Variants in BACH1 observed in about 807,000 individuals in gnomAD.
BACH1 encodes transcription regulator protein BACH1.
Under a neutral mutation model 52.9 loss-of-function variants are expected in BACH1, and 35 were observed. That is an observed-to-expected ratio of 0.66 (90% CI 0.51 to 0.88). BACH1 has a LOEUF of 0.88. BACH1 is among the 40% of genes least tolerant of loss of function. The pLI is 0.00. For missense variants in BACH1, 808 were observed against 872.6 expected (o/e 0.93, Z 0.93); for synonymous variants, 321 against 319.6 (o/e 1.00, Z -0.05).
At chr21:29,300,376 C>T (rs1263505206) in intron 1 of BACH1, among the ~76,000 whole-genome samples, 1 of 152,206 alleles carries the variant, frequency 6.6e-6, no homozygotes, top group Non-Finnish European at 1.5e-5. Context: ...ATACTCTCAT[C>T]ACATGCCTCC....
chr21:29,355,172 A>G (rs2089226226), intron 2 of BACH1, among the ~76,000 whole-genome samples: 1 of 152,180 alleles, frequency 6.6e-6, no homozygotes. Context: ...TCCATTTTGC[A>G]GAGTGCTGAT....
chr21:29,321,728 A>G (rs1351047628), intron 2 of BACH1, among the ~76,000 whole-genome samples: 1 of 151,270 alleles, frequency 6.6e-6, no homozygotes, highest in Non-Finnish European at 1.5e-5. Flanking sequence ...TGGATATAAC[A>G]TAACACCCAC....
downstream of BACH1, among the ~76,000 whole-genome samples, chr21:29,349,460 C>T (rs969329666): frequency 3.9e-5 from 6 of 152,206 alleles, no homozygotes; most frequent in East Asian, 9.6e-4. Flanking sequence ...GGGCCTTTCC[C>T]TGTGAAACTG....
At chr21:29,313,683 T>C (rs1203073515) in intron 1 of BACH1, among the ~76,000 whole-genome samples, 3 of 152,178 alleles carry the variant, frequency 2.0e-5, no homozygotes, top group Non-Finnish European at 4.4e-5. Context: ...AGAAGTAATG[T>C]TTCTGAGTAA....
chr21:29,349,446 C>T (rs567547565), downstream of BACH1, among the ~76,000 whole-genome samples: 2 of 152,298 alleles, frequency 1.3e-5, no homozygotes, highest in Admixed American at 6.5e-5. Context: ...CACCTGTGGG[C>T]GCTGGGCCTT....
At chr21:29,322,580 C>T (rs1569013456) in intron 2 of BACH1, among the ~76,000 whole-genome samples, 1 of 152,152 alleles carries the variant, frequency 6.6e-6, no homozygotes, top group Non-Finnish European at 1.5e-5. Flanking sequence ...AGTATCAAGG[C>T]TGTGGCATTG....
chr21:29,300,576 G>C (rs1269155722), intron 1 of BACH1, among the ~76,000 whole-genome samples: 1 of 152,186 alleles, frequency 6.6e-6, no homozygotes, highest in Non-Finnish European at 1.5e-5. Context: ...ATTTGCGCTG[G>C]AGAGAGCTAA....
chr21:29,333,928 A>G (rs2089013922), intron 4 of BACH1, among the ~76,000 whole-genome samples: 1 of 152,174 alleles, frequency 6.6e-6, no homozygotes, highest in Non-Finnish European at 1.5e-5. Context: ...CTTTGAAGAA[A>G]AGGTGTTTAT....
Position 29,345,490 on chromosome 21 carries a change from A to T in BACH1, c.*2657A>T, listed in dbSNP as rs2089159843. On this transcript the variant is annotated 3_prime_UTR_variant, in exon 5 of 5. Transcript: ENST00000286800. ...GCTGTTATGTTGAATTCAGTAAAAT[A>T]ACATTACCTTATTTTTTTTCTTATT... The T allele has an allele frequency of 6.6e-6, 1 of 152,246 alleles. No homozygotes were observed. Among genetic ancestry groups the T allele is most frequent in the African/African-American group, 2.4e-5 (1 of 41,462 alleles). The allele number at this position is 152,246 out of a possible 1,614,324, so 9.4% of individuals were successfully genotyped here.
At chr21:29,300,248 A>G (rs2088588296) in intron 1 of BACH1, 1 of 152,162 alleles carries the variant, frequency 6.6e-6, no homozygotes, top group African/African-American at 2.4e-5. Context: ...GTTTCTGTCA[A>G]GTGGTTTACT....
intron 1 of BACH1, among the ~76,000 whole-genome samples, chr21:29,319,006 C>T (rs1278914056): frequency 6.6e-6 from 1 of 152,142 alleles, no homozygotes; most frequent in East Asian, 1.9e-4. Context: ...GGCAATTCTC[C>T]ATCTTTGTCT....
At chr21:29,316,610 C>CT (rs2088789976) in intron 1 of BACH1, among the ~76,000 whole-genome samples, 1 of 152,142 alleles carries the variant, frequency 6.6e-6, no homozygotes, top group Admixed American at 6.5e-5. Flanking sequence ...CCGTTCTTGT[C>CT]TGATGTAGTT....
chr21:29,361,504 T>C (rs2089271591), intron 2 of BACH1: 1 of 152,208 alleles, frequency 6.6e-6, no homozygotes, highest in Non-Finnish European at 1.5e-5. Flanking sequence ...TTTTTAGTAG[T>C]TGTGGCTTTG....
At chr21:29,307,221 CCCT>C (rs1268767954) in intron 1 of BACH1, among the ~76,000 whole-genome samples, 9 of 152,186 alleles carry the variant, frequency 5.9e-5, no homozygotes, top group African/African-American at 2.2e-4. Context: ...ACACTCATTC[CCCT>C]CCTCGAAGGG....
At chr21:29,356,031 T>C (rs2089232492) in intron 2 of BACH1, among the ~76,000 whole-genome samples, 1 of 152,216 alleles carries the variant, frequency 6.6e-6, no homozygotes, top group Non-Finnish European at 1.5e-5. Flanking sequence ...TTTGGGATTG[T>C]AGAGTAAGGA....
At chr21:29,322,412 A>G (rs547307955) in intron 2 of BACH1, among the ~76,000 whole-genome samples, 1 of 152,316 alleles carries the variant, frequency 6.6e-6, no homozygotes, top group South Asian at 2.1e-4. Context: ...TTTTACATAC[A>G]TCTTTTTCTC....
chr21:29,318,030 C>T (rs147728725), intron 1 of BACH1, among the ~76,000 whole-genome samples: 13 of 151,964 alleles, frequency 8.6e-5, no homozygotes, highest in Admixed American at 3.3e-4. Context: ...TTTTTCATTG[C>T]GTAGGTGATG....
chr21:29,326,536 A>G lies in BACH1; in HGVS notation c.712A>G (p.Arg238Gly). The change falls in exon 3 of 5, where the codon AGA becomes GGA. Residue 238 changes from arginine (R) to glycine (G), a missense_variant. Coordinates refer to ENST00000286800, the MANE Select transcript of BACH1 (RefSeq NM_001186.4). ...RKFQKAFGTD[R>G]VRTGESSVKD... ...ATTCCAAAAAGCATTTGGAACTGAC[A>G]GAGTCCGTACTGGGGAATCTAGTGT... is the stretch of plus-strand genomic sequence containing the variant. 1.2e-6 allele frequency: 2 copies of G among 1,614,230 alleles called. No individual in the cohort carries two copies. The highest frequency in any genetic ancestry group is 1.1e-5 in the South Asian group (1 of 91,088).
intron 1 of BACH1, chr21:29,300,857 A>G (rs1421122937): frequency 6.6e-6 from 1 of 152,264 alleles, no homozygotes; most frequent in Non-Finnish European, 1.5e-5. Flanking sequence ...GGTGGAATTA[A>G]TAGGTCTCAT....
Sources: gnomAD v4.1 joint callset for allele counts (sites outside exome capture counted in the v4.1 genomes callset) on GRCh38, gnomAD v4.1.1 for gene constraint, MANE v1.5 for transcripts, NCBI Gene and HGNC (gene_info 2026-07-23, HGNC 2026-07-21) for gene names.